ALOX5: variants seen among roughly 807,000 people sequenced by gnomAD.
ALOX5 encodes the protein arachidonate 5-lipoxygenase.
A neutral mutation model predicts 87.9 loss-of-function variants in ALOX5; 64 were observed. The observed-to-expected ratio is 0.73, with a 90% confidence interval of 0.60 to 0.90. ALOX5 has a LOEUF of 0.90. ALOX5 is among the 40% of genes least tolerant of loss of function. The pLI is 0.00. For synonymous variants in ALOX5, 388 were observed against 355.1 expected, an observed-to-expected ratio of 1.09 and a Z score of -1.04; for missense variants, 822 against 907.5, an observed-to-expected ratio of 0.91 and a Z score of 1.21.
chr10:45,403,811 G>A (rs12242840), intron 3 of ALOX5, among the ~76,000 whole-genome samples: 3,421 of 152,212 alleles, frequency 0.022, 124 homozygotes, highest in African/African-American at 0.078. Context: ...CTGGTGCAGT[G>A]CACACGTTGT....
rs1453509657 is a variant in ALOX5, at chr10:45,389,928, T to A, written c.350-5927T>A. ...TGGATAAAGAGTCAAGACCCATCAG[T>A]GTGCTGTATTCAGGAAACCCATCTC... On this transcript the variant is annotated intron_variant, in intron 2 of 13. Coordinates refer to ENST00000374391, the MANE Select transcript of ALOX5 (RefSeq NM_000698.5). Among the ~76,000 whole-genome samples, 3 of 152,348 alleles carry A rather than the reference T, an allele frequency of 2.0e-5. No homozygotes were observed. The East Asian group carries it at 5.8e-4, about 29-fold the overall frequency.
chr10:45,391,098 C>T (rs1281927161), intron 2 of ALOX5, among the ~76,000 whole-genome samples: 48 of 59,750 alleles, frequency 8.0e-4, no homozygotes, highest in East Asian at 1.5e-3. Context: ...CCTCTCCCCA[C>T]GGTCTCCCTC....
At chr10:45,379,492 T>C (rs1218112499) in intron 1 of ALOX5, among the ~76,000 whole-genome samples, 2 of 152,198 alleles carry the variant, frequency 1.3e-5, no homozygotes, top group African/African-American at 4.8e-5. Flanking sequence ...TTCTGGGCTT[T>C]GAGTGAAGGA....
chr10:45,396,221 G>C (rs1840497726), intron 3 of ALOX5, among the ~76,000 whole-genome samples: 1 of 152,222 alleles, frequency 6.6e-6, no homozygotes, highest in Non-Finnish European at 1.5e-5. Flanking sequence ...CTCCATTGTA[G>C]GGGTTGCCTC....
At chr10:45,406,778 G>A (rs1480469771) in intron 3 of ALOX5, among the ~76,000 whole-genome samples, 1 of 152,142 alleles carries the variant, frequency 6.6e-6, no homozygotes, top group Non-Finnish European at 1.5e-5. Context: ...AGTCTGGTTA[G>A]TTAATGTGCT....
At chr10:45,439,208 A>G (rs1485888800) in intron 7 of ALOX5, among the ~76,000 whole-genome samples, 1 of 152,200 alleles carries the variant, frequency 6.6e-6, no homozygotes, top group Non-Finnish European at 1.5e-5. Flanking sequence ...CTGAATATAT[A>G]CAATTCCATG....
chr10:45,386,125 C>T (rs1840000067), intron 2 of ALOX5, among the ~76,000 whole-genome samples: 1 of 151,976 alleles, frequency 6.6e-6, no homozygotes, highest in Non-Finnish European at 1.5e-5. Flanking sequence ...CACAGTAAAA[C>T]CCCGTCTCTA....
In ALOX5 at chr10:45,382,504, G is replaced by T. The variant is rs964176586; in HGVS notation, c.172G>T (p.Val58Leu). The stretch of plus-strand genomic sequence containing the variant: ...CCAGGTGGATTCATACGACGTGACT[G>T]TGGACGAGGAACTGGGCGAGATCCA... The part of the protein sequence containing the change: ...RGAVDSYDVT[V>L]DEELGEIQLV... Residue 58 changes from valine (V) to leucine (L), a missense_variant, in exon 2 of 14, where the codon GTG becomes TTG. Coordinates refer to ENST00000374391, the MANE Select transcript of ALOX5 (RefSeq NM_000698.5). The T allele has an allele frequency of 6.2e-7, 1 of 1,614,120 alleles. No homozygotes were observed. The highest frequency in any genetic ancestry group is 1.3e-5 in the African/African-American group (1 of 74,942).
At position 45,378,544 on chromosome 10, in the gene ALOX5, C is replaced by T; in HGVS notation, c.151-3939C>T. ...AATTTAATGTGTCACAGCAAATAGA[C>T]AAATATAGCATCAGCCCAGTGTACT... On this transcript the variant is annotated intron_variant, in intron 1 of 13. Coordinates refer to ENST00000374391, the MANE Select transcript of ALOX5 (RefSeq NM_000698.5). Among the ~76,000 whole-genome samples, 3 of 152,170 alleles carry T rather than the reference C, an allele frequency of 2.0e-5. 1 individual carries two copies. The highest frequency in any genetic ancestry group is 4.4e-5 in the Non-Finnish European group (3 of 68,032).
intron 4 of ALOX5, among the ~76,000 whole-genome samples, chr10:45,419,736 T>TAA (rs1334172090): frequency 2.8e-5 from 1 of 36,220 alleles, no homozygotes; most frequent in Non-Finnish European, 5.5e-5. Context: ...GAGACCCTGT[T>TAA]TCAAAAGGCA....
intron 7 of ALOX5, among the ~76,000 whole-genome samples, chr10:45,440,057 A>T (rs988302792): frequency 6.6e-6 from 1 of 152,270 alleles, no homozygotes; most frequent in African/African-American, 2.4e-5. Context: ...TAGAAGAGGG[A>T]GCAGGGCAAG....
chr10:45,442,327 C>T (rs1842262496), intron 9 of ALOX5, among the ~76,000 whole-genome samples: 2 of 152,192 alleles, frequency 1.3e-5, no homozygotes, highest in African/African-American at 4.8e-5. Flanking sequence ...ATCTCCCAGC[C>T]GCATCTAAAC....
chr10:45,428,635 C>A lies in ALOX5; in HGVS notation c.852C>A (p.Ile284=). The change falls in exon 7 of 14, where the codon ATC becomes ATA. Residue 284 remains isoleucine, a synonymous_variant. Transcript: ENST00000374391. ...EQEVQQGNIF[I]VDFELLDGID... ...TCCTGCAGCAAGGGAACATTTTCAT[C>A]GTGGACTTTGAGCTGCTGGATGGCA... 6.2e-7 allele frequency: 1 copy of A among 1,614,146 alleles called. No homozygotes were observed. Among genetic ancestry groups the A allele is most frequent in the Non-Finnish European group, 8.5e-7 (1 of 1,180,024 alleles).
intron 3 of ALOX5, among the ~76,000 whole-genome samples, chr10:45,398,742 A>G (rs1840599207): frequency 6.6e-6 from 1 of 152,218 alleles, no homozygotes; most frequent in South Asian, 2.1e-4. Flanking sequence ...CATCTAGGAA[A>G]TGCAAATCAA....
chr10:45,396,425 GAAATTA>G (rs2132719604), intron 3 of ALOX5, among the ~76,000 whole-genome samples: 1 of 152,118 alleles, frequency 6.6e-6, no homozygotes, highest in East Asian at 1.9e-4. Context: ...AATCAATACA[GAAATTA>G]AAATTAATAA....
chr10:45,423,547 C>G (rs1014882302), intron 4 of ALOX5, among the ~76,000 whole-genome samples: 1 of 152,192 alleles, frequency 6.6e-6, no homozygotes, highest in African/African-American at 2.4e-5. Flanking sequence ...CAAGCTCTGG[C>G]CTTGGGTTTC....
chr10:45,388,410 C>A (rs1384264711), intron 2 of ALOX5, among the ~76,000 whole-genome samples: 1 of 152,200 alleles, frequency 6.6e-6, no homozygotes, highest in Non-Finnish European at 1.5e-5. Flanking sequence ...GCTCCCTGAC[C>A]CCAGAGTAGC....
chr10:45,397,108 C>T lies in ALOX5; in HGVS notation c.431+1172C>T, dbSNP rs184140639. ...TTTGAAAATTCACAATTAGGCTGGG[C>T]GTGGTGGTTCACACCTGTAATCCCA... On this transcript the variant is annotated intron_variant, in intron 3 of 13. Transcript: ENST00000374391. Among the ~76,000 whole-genome samples, 165 of 152,282 alleles carry T rather than the reference C, an allele frequency of 1.1e-3. 1 individual carries two copies. Among genetic ancestry groups the T allele is most frequent in the African/African-American group, 3.4e-3 (141 of 41,554 alleles).
chr10:45,420,425 G>T (rs1269201376), intron 4 of ALOX5, among the ~76,000 whole-genome samples: 1 of 152,230 alleles, frequency 6.6e-6, no homozygotes, highest in African/African-American at 2.4e-5. Flanking sequence ...AAAATGATTT[G>T]TTCTGTAGTC....
Sources: gnomAD v4.1 joint callset for allele counts (sites outside exome capture counted in the v4.1 genomes callset) on GRCh38, gnomAD v4.1.1 for gene constraint, MANE v1.5 for transcripts, NCBI Gene and HGNC (gene_info 2026-07-23, HGNC 2026-07-21) for gene names.